SLFN11: variants seen among roughly 807,000 people sequenced by gnomAD.
SLFN11 encodes the protein schlafen family member 11.
A neutral mutation model predicts 53.4 loss-of-function variants in SLFN11; 43 were observed. That is an observed-to-expected ratio of 0.80 (90% CI 0.63 to 1.04). The LOEUF is 1.04. Ranked by LOEUF, SLFN11 falls within the 50% of genes least tolerant of loss-of-function variation. SLFN11 has a pLI of 0.00. For synonymous variants in SLFN11, 389 were observed against 394.7 expected (o/e 0.99, Z 0.17); for missense variants, 990 against 1,079.1 (o/e 0.92, Z 1.16).
chr17:35,362,941 G>A lies in SLFN11; in HGVS notation c.867C>T (p.Pro289=). 1 of 1,613,414 alleles carries A rather than the reference G, an allele frequency of 6.2e-7. No homozygotes were observed. Residue 289 remains proline, a synonymous_variant, in exon 4 of 7, where the codon CCC becomes CCT. Coordinates refer to ENST00000685675, the MANE Select transcript of SLFN11 (RefSeq NM_001376007.1). The part of the protein sequence containing the change: ...YKLPCVHFCQ[P]QRPITFTLKI... ...TGAGTGTGAAGGTTATCGGGCGTTG[G>A]GGTTGGCAAAAATGAACACAAGGTA...
chr17:35,365,586 T>G (rs1908865827), intron 3 of SLFN11, among the ~76,000 whole-genome samples: 2 of 152,132 alleles, frequency 1.3e-5, no homozygotes, highest in South Asian at 4.1e-4. Context: ...TGAGCCACAA[T>G]GCCCAGCTGA....
Position 35,351,136 on chromosome 17 carries a change from G to A in SLFN11, c.*1220C>T, listed in dbSNP as rs1341243331. 2 of 152,264 alleles carry A rather than the reference G, an allele frequency of 1.3e-5. No homozygotes were observed. The allele number at this position is 152,264 out of a possible 1,614,324, so 9.4% of individuals were successfully genotyped here. On this transcript the variant is annotated 3_prime_UTR_variant, in exon 7 of 7. Coordinates refer to ENST00000685675, the MANE Select transcript of SLFN11 (RefSeq NM_001376007.1). Reference sequence around the variant, plus strand: ...AGTCCAAGACTCTCGCCAGCAGCGAGAGTTTGATTGTGAGGCTTCTCCTCT... The same window carrying A: ...AGTCCAAGACTCTCGCCAGCAGCGAAAGTTTGATTGTGAGGCTTCTCCTCT...
At chr17:35,357,482 T>A (rs1415463193) in intron 5 of SLFN11, among the ~76,000 whole-genome samples, 1 of 151,652 alleles carries the variant, frequency 6.6e-6, no homozygotes, top group Admixed American at 6.6e-5. Context: ...CATTTGTAGT[T>A]TATGTTAGTA....
intron 2 of SLFN11, chr17:35,367,335 T>A (rs1461278250): frequency 6.6e-6 from 1 of 152,154 alleles, no homozygotes; most frequent in Non-Finnish European, 1.5e-5. Flanking sequence ...AACCCCACCA[T>A]CTGCTTAGAT....
At position 35,351,224 on chromosome 17, in the gene SLFN11, G is replaced by T. The variant is rs1906632386; in HGVS notation, c.*1132C>A. 1 of 152,250 alleles carries T rather than the reference G, an allele frequency of 6.6e-6. No homozygotes were observed. The highest frequency in any genetic ancestry group is 2.4e-5 in the African/African-American group (1 of 41,448). 9.4% of individuals were successfully genotyped at this position (152,250 alleles called of 1,614,324 possible). A position where few individuals can be genotyped will look rare whatever the true frequency, so the allele number is the denominator to read the frequency against. On this transcript the variant is annotated 3_prime_UTR_variant, in exon 7 of 7. Transcript: ENST00000685675. ...ATGCCCTCTTGTTTGCATGCACAGG[G>T]AGGGAGGGAACAAGCTCTCTGGGGT...
chr17:35,362,640 T>C (rs1908370292), intron 4 of SLFN11, 99 bp downstream of exon 4: 6 of 885,990 alleles, frequency 6.8e-6, no homozygotes, highest in Non-Finnish European at 1.0e-5. Context: ...GTTCAGTGGA[T>C]GTAAGATGTT....
At chr17:35,361,113 C>G (rs539749700) in intron 4 of SLFN11, among the ~76,000 whole-genome samples, 1 of 152,228 alleles carries the variant, frequency 6.6e-6, no homozygotes, top group South Asian at 2.1e-4. Flanking sequence ...AAGATTGTGT[C>G]CCAATTTTTA....
Position 35,370,171 on chromosome 17 carries a change from T to C in SLFN11, c.-234-2471A>G, listed in dbSNP as rs559220355. ...ATTTATTTCAGGGATGCAAGGATGG[T>C]TCAACGTATGCAAATCAGTCAATGT... On this transcript the variant is annotated intron_variant, in intron 1 of 6. Coordinates refer to ENST00000685675, the MANE Select transcript of SLFN11 (RefSeq NM_001376007.1). Among the ~76,000 whole-genome samples the C allele has an allele frequency of 3.9e-5, 6 of 152,252 alleles. No homozygotes were observed. In the East Asian group the frequency reaches 9.6e-4, roughly 24 times the overall value.
intron 6 of SLFN11, 43 bp downstream of exon 6, chr17:35,353,293 C>T: frequency 6.2e-7 from 1 of 1,611,798 alleles, no homozygotes; most frequent in Non-Finnish European, 8.5e-7. Flanking sequence ...AAAATTAAAC[C>T]CAGATTAAAT....
chr17:35,362,260 T>G (rs1908316362), intron 4 of SLFN11, among the ~76,000 whole-genome samples: 1 of 152,082 alleles, frequency 6.6e-6, no homozygotes, highest in Non-Finnish European at 1.5e-5. Flanking sequence ...ACAGATACAA[T>G]AGATGTAAAT....
chr17:35,368,099 C>A (rs1909195039), intron 1 of SLFN11, among the ~76,000 whole-genome samples: 2 of 151,912 alleles, frequency 1.3e-5, no homozygotes, highest in South Asian at 2.1e-4. Context: ...TCAAGTAGTG[C>A]CCAATTTTCT....
chr17:35,357,139 C>CGTGTGTGTGTGTGTGT (rs35291259), intron 5 of SLFN11, among the ~76,000 whole-genome samples: 1 of 142,820 alleles, frequency 7.0e-6, no homozygotes, highest in Non-Finnish European at 1.5e-5. Context: ...TTTTTCTGTG[C>CGTGTGTGTGTGTGTGT]GTGTGTGTGT....
In SLFN11 at chr17:35,352,437, T is replaced by C. The variant is rs1468231133; in HGVS notation, c.2625A>G (p.Pro875=). The change falls in exon 7 of 7, where the codon CCA becomes CCG. Residue 875 remains proline, a synonymous_variant. Coordinates refer to ENST00000685675, the MANE Select transcript of SLFN11 (RefSeq NM_001376007.1). ...VFGIHPRTAD[P]AILPNVLICL... ...AGATCAGAACATTGGGTAAGATAGC[T>C]GGGTCAGCTGTCCTTGGATGGATCC... The C allele has an allele frequency of 6.2e-7, 1 of 1,614,248 alleles. No individual in the cohort carries two copies. The highest frequency in any genetic ancestry group is 2.2e-5 in the East Asian group (1 of 44,894).
intron 5 of SLFN11, among the ~76,000 whole-genome samples, chr17:35,354,861 T>A (rs148705446): frequency 4.5e-4 from 69 of 152,172 alleles, no homozygotes; most frequent in Non-Finnish European, 8.7e-4. Context: ...TAGTGGTAAT[T>A]TCAAATGAAA....
intron 1 of SLFN11, 89 bp downstream of exon 1, chr17:35,373,385 C>T (rs116430594): frequency 0.043 from 6,587 of 151,538 alleles, 318 homozygotes; most frequent in African/African-American, 0.12. Context: ...TCCACTCCAC[C>T]CCCAGCCCCT....
rs1248342353 is a variant in SLFN11, at chr17:35,352,894, G to A, written c.2168C>T (p.Pro723Leu). The A allele has an allele frequency of 6.2e-7, 1 of 1,613,998 alleles. No homozygotes were observed. The highest frequency in any genetic ancestry group is 1.3e-5 in the African/African-American group (1 of 74,906). The change falls in exon 7 of 7, where the codon CCA (proline) becomes CTA (leucine). Residue 723 changes from proline to leucine, a missense_variant. Physicochemically the swap from Pro to Leu is moderately conservative, Grantham distance 98. Around this residue, in one of 3 missense-constraint regions of SLFN11, gnomAD observed 313 missense variants for 320.9 expected, o/e 0.98. Transcript: ENST00000685675. Reference protein sequence around the residue: ...SGLPPLSDQYPREELTRIVRN... With the variant: ...SGLPPLSDQYLREELTRIVRN... ...AACTATTCTGGTGAGCTCTTCTCTT[G>A]GATATTGGTCTGAGAGAGGAGGGAG...
rs1906597098 is a variant in SLFN11, at chr17:35,350,943, A to G, written c.*1413T>C. 1 of 152,236 alleles carries G rather than the reference A, an allele frequency of 6.6e-6. No individual in the cohort carries two copies. The highest frequency in any genetic ancestry group is 6.5e-5 in the Admixed American group (1 of 15,280). The allele number at this position is 152,236 out of a possible 1,614,324, so 9.4% of individuals were successfully genotyped here. A position where few individuals can be genotyped will look rare whatever the true frequency, so the allele number is the denominator to read the frequency against. On this transcript the variant is annotated 3_prime_UTR_variant, in exon 7 of 7. Transcript: ENST00000685675. ...GTTTTAGAACGTTTTGTAGAGACTG[A>G]AAAGCAAATAAATAATTGCATTAGC...
At chr17:35,359,078 T>C (rs572065396) in intron 5 of SLFN11, among the ~76,000 whole-genome samples, 47 of 152,236 alleles carry the variant, frequency 3.1e-4, no homozygotes, top group African/African-American at 1.0e-3. Flanking sequence ...ACAATGTAAA[T>C]AGTGTAAAAA....
At chr17:35,371,537 C>G (rs1400509173) in intron 1 of SLFN11, among the ~76,000 whole-genome samples, 1 of 151,972 alleles carries the variant, frequency 6.6e-6, no homozygotes, top group Non-Finnish European at 1.5e-5. Context: ...AAAAGACAAC[C>G]CACAAAATGG....
Sources: allele counts gnomAD v4.1 joint callset (sites outside exome capture counted in the v4.1 genomes callset), GRCh38; gene constraint gnomAD v4.1.1; regional missense constraint gnomAD v4.1.1; transcripts MANE v1.5; gene names NCBI Gene and HGNC (gene_info 2026-07-23, HGNC 2026-07-21).